The following NRF1 variants were observed in gnomAD, a reference collection of about 807,000 sequenced individuals.
The protein encoded by NRF1 is alpha palindromic-binding protein.
In NRF1, 5 loss-of-function variants were observed where a neutral mutation model predicts 58.5. The ratio of observed to expected loss-of-function variants is 0.09; its 90% CI spans 0.04 to 0.18. The LOEUF (loss-of-function observed/expected upper bound fraction) is 0.18, where lower values mean the gene tolerates loss of function less well. Among genes scored for constraint, NRF1 ranks in the 10% least tolerant of loss-of-function variants. The pLI is 1.00. For synonymous variants in NRF1, 224 were observed against 246.7 expected (o/e 0.91, Z 0.86); for missense variants, 288 against 657.7 (o/e 0.44, Z 6.15).
chr7:129,629,877 C>T (rs899718906), intron 1 of NRF1, among the ~76,000 whole-genome samples: 1 of 151,966 alleles, frequency 6.6e-6, no homozygotes, highest in African/African-American at 2.4e-5. Context: ...GTAGTTTTAC[C>T]CCACCATTGC....
intron 1 of NRF1, among the ~76,000 whole-genome samples, chr7:129,643,472 T>C (rs1157892457): frequency 4.7e-5 from 7 of 150,074 alleles, no homozygotes; most frequent in Non-Finnish European, 1.0e-4. Flanking sequence ...CAACTACTTA[T>C]TTGATTTTTG....
rs202098904 is a variant in NRF1, at chr7:129,637,871, T to A, written c.-6-19475T>A. ...TGAGATTTTTTTGTGATTTTATTTT[T>A]TGTTTTTTTTTTTCTAAGCTCATCA... On this transcript the variant is annotated intron_variant, in intron 1 of 10. Transcript: ENST00000393232. 9.0e-3 allele frequency among the ~76,000 whole-genome samples: 1,373 copies of A among 151,718 alleles called. 19 individuals carry two copies. The highest frequency in any genetic ancestry group is 0.051 in the East Asian group (264 of 5,144).
chr7:129,635,439 G>A lies in NRF1; in HGVS notation c.-6-21907G>A, dbSNP rs79248542. 4.4e-3 allele frequency among the ~76,000 whole-genome samples: 668 copies of A among 152,160 alleles called. 6 individuals carry two copies. The highest frequency in any genetic ancestry group is 0.015 in the African/African-American group (629 of 41,486). Reference sequence around the variant, plus strand: ...GTTACAGTTCTTTAAAGAGGACCGAGCCTTTGCTTAAGGCTAGCTTCATAC... The same window carrying A: ...GTTACAGTTCTTTAAAGAGGACCGAACCTTTGCTTAAGGCTAGCTTCATAC... On this transcript the variant is annotated intron_variant, in intron 1 of 10. Coordinates refer to ENST00000393232, the MANE Select transcript of NRF1 (RefSeq NM_005011.5).
intron 2 of NRF1, among the ~76,000 whole-genome samples, chr7:129,662,383 A>AGTGTGTGTGT (rs3042950): frequency 2.1e-3 from 306 of 145,844 alleles, no homozygotes; most frequent in African/African-American, 5.5e-3. Context: ...TAGAATTTCT[A>AGTGTGTGTGT]GTGTGTGTGT....
chr7:129,739,861 C>A (rs1803806780), intron 10 of NRF1, among the ~76,000 whole-genome samples: 1 of 152,170 alleles, frequency 6.6e-6, no homozygotes, highest in African/African-American at 2.4e-5. Flanking sequence ...TGACGGGTCA[C>A]AAAGCTGACA....
intron 9 of NRF1, among the ~76,000 whole-genome samples, chr7:129,718,392 T>C (rs1433254761): frequency 6.6e-6 from 1 of 151,994 alleles, no homozygotes; most frequent in Non-Finnish European, 1.5e-5. Context: ...CTTCTAGGAG[T>C]GTTATGAGAA....
intron 10 of NRF1, chr7:129,734,928 A>T: frequency 2.9e-6 from 1 of 349,288 alleles, no homozygotes; most frequent in Non-Finnish European, 4.0e-6. Flanking sequence ...CAGCCTTCCC[A>T]CCTGTCTCTA....
chr7:129,732,975 G>T (rs907839093), intron 10 of NRF1, among the ~76,000 whole-genome samples: 2 of 151,896 alleles, frequency 1.3e-5, no homozygotes, highest in African/African-American at 4.8e-5. Flanking sequence ...GGAGGCTGAG[G>T]CAGGAGAATT....
Position 129,632,522 on chromosome 7 carries a change from A to C in NRF1, c.-7+20698A>C, listed in dbSNP as rs149645536. ...CAGTTATTGTTGAAGCTTATTGGGC[A>C]CCCCTTCCCCATCCTAGTCCTCTCC... On this transcript the variant is annotated intron_variant, in intron 1 of 10. Transcript: ENST00000393232. 4.0e-3 allele frequency among the ~76,000 whole-genome samples: 606 copies of C among 152,004 alleles called. 7 individuals carry two copies. The highest frequency in any genetic ancestry group is 5.0e-3 in the East Asian group (26 of 5,168).
At chr7:129,644,752 A>T (rs191807206) in intron 1 of NRF1, among the ~76,000 whole-genome samples, 1 of 152,210 alleles carries the variant, frequency 6.6e-6, no homozygotes, top group Non-Finnish European at 1.5e-5. Flanking sequence ...ACTCTTCTCT[A>T]TGGAAAGATG....
At chr7:129,650,291 C>T (rs559554330) in intron 1 of NRF1, among the ~76,000 whole-genome samples, 141 of 151,740 alleles carry the variant, frequency 9.3e-4, no homozygotes, top group Non-Finnish European at 1.5e-3. Context: ...GTATTGCCGG[C>T]GCTTTCGTCT....
intron 2 of NRF1, among the ~76,000 whole-genome samples, chr7:129,668,578 A>C (rs1801973218): frequency 6.6e-6 from 1 of 152,206 alleles, no homozygotes; most frequent in African/African-American, 2.4e-5. Context: ...CTAAAACTGG[A>C]AATAGTCCAA....
At chr7:129,689,954 C>T (rs1802526940) in intron 4 of NRF1, among the ~76,000 whole-genome samples, 2 of 152,182 alleles carry the variant, frequency 1.3e-5, no homozygotes, top group African/African-American at 4.8e-5. Context: ...AATGTAGCAG[C>T]AGTTTTGAAT....
chr7:129,731,344 A>T (rs551742484), intron 10 of NRF1, among the ~76,000 whole-genome samples: 4 of 151,788 alleles, frequency 2.6e-5, no homozygotes, highest in African/African-American at 9.7e-5. Flanking sequence ...AGCAGACCTG[A>T]TGAAGACATT....
chr7:129,649,338 C>T (rs1801483010), intron 1 of NRF1, among the ~76,000 whole-genome samples: 1 of 152,146 alleles, frequency 6.6e-6, no homozygotes, highest in Non-Finnish European at 1.5e-5. Context: ...GGACTGTAGA[C>T]TGAGGCTAGG....
rs1340415547 is a variant in NRF1 at position 129,611,821 on chromosome 7, T to A, written c.-10T>A. On this transcript the variant is annotated 5_prime_UTR_variant, in exon 1 of 11. Coordinates refer to ENST00000393232, the MANE Select transcript of NRF1 (RefSeq NM_005011.5). ...CAGGCCCACGGTAGCGCAGCCGCTC[T>A]GAGGTGAGTGCCCTACCGCGCAATC... 5.0e-6 allele frequency: 1 copy of A among 200,502 alleles called. No individual in the cohort carries two copies. The highest frequency in any genetic ancestry group is 1.0e-5 in the Non-Finnish European group (1 of 99,734). 12.4% of individuals were successfully genotyped at this position (200,502 alleles called of 1,614,324 possible).
At chr7:129,668,993 G>T (rs1801982746) in intron 2 of NRF1, among the ~76,000 whole-genome samples, 1 of 151,994 alleles carries the variant, frequency 6.6e-6, no homozygotes, top group South Asian at 2.1e-4. Flanking sequence ...CTTCACCCAG[G>T]CCAGAGTGCA....
At chr7:129,747,329 A>T (rs1363738498) in intron 10 of NRF1, among the ~76,000 whole-genome samples, 1 of 152,200 alleles carries the variant, frequency 6.6e-6, no homozygotes, top group Non-Finnish European at 1.5e-5. Flanking sequence ...CTGCCAGTCC[A>T]TCTGCCCTGA....
chr7:129,714,086 C>A (rs1289801273), intron 8 of NRF1, among the ~76,000 whole-genome samples: 1 of 152,170 alleles, frequency 6.6e-6, no homozygotes, highest in Admixed American at 6.5e-5. Flanking sequence ...TAAGAAAGCA[C>A]TGAGACTCAG....
Sources: gnomAD v4.1 joint callset for allele counts (sites outside exome capture counted in the v4.1 genomes callset) on GRCh38, gnomAD v4.1.1 for gene constraint, MANE v1.5 for transcripts, NCBI Gene and HGNC (gene_info 2026-07-23, HGNC 2026-07-21) for gene names.